The following ANKRD30B variants were observed in gnomAD, a reference collection of about 807,000 sequenced individuals.
ANKRD30B encodes ankyrin repeat domain 30B, also known as ankyrin repeat domain-containing protein 30B.
Under a neutral mutation model 202.2 loss-of-function variants are expected in ANKRD30B, and 144 were observed. The observed-to-expected ratio is 0.71, with a 90% CI of 0.62 to 0.82. ANKRD30B has a LOEUF of 0.82. Among genes scored for constraint, ANKRD30B ranks in the 40% least tolerant of loss-of-function variants. ANKRD30B has a pLI of 0.00. For synonymous variants in ANKRD30B, 508 were observed against 561.3 expected, an observed-to-expected ratio of 0.91 and a Z score of 1.34; for missense variants, 1,487 against 1,669.1, an observed-to-expected ratio of 0.89 and a Z score of 1.90.
chr18:14,915,031 T>C, the ANKRD30B span, among the ~76,000 whole-genome samples: 4 of 152,122 alleles, frequency 2.6e-5, no homozygotes, highest in Non-Finnish European at 4.4e-5. Context: ...CATGGTCAGG[T>C]AGAGAAGAAT....
intron 30 of ANKRD30B, among the ~76,000 whole-genome samples, chr18:14,815,623 C>G (rs1174191415): frequency 6.6e-6 from 1 of 152,122 alleles, no homozygotes; most frequent in East Asian, 1.9e-4. Flanking sequence ...GTTGCTCTTA[C>G]TTTTGAGTAT....
the ANKRD30B span, among the ~76,000 whole-genome samples, chr18:14,913,045 A>C: frequency 2.6e-5 from 4 of 152,274 alleles, no homozygotes; most frequent in Non-Finnish European, 4.4e-5. Context: ...ACCCAGCATG[A>C]GATGAGCAGA....
At chr18:14,831,621 G>GTT (rs796443992) in intron 34 of ANKRD30B, among the ~76,000 whole-genome samples, 166 bp downstream of exon 34, 143 of 148,182 alleles carry the variant, frequency 9.7e-4, no homozygotes, top group African/African-American at 3.3e-3. Context: ...GATTTAAACA[G>GTT]TTTTTTTTTT....
the ANKRD30B span, among the ~76,000 whole-genome samples, chr18:14,882,906 C>A: frequency 6.6e-6 from 1 of 152,150 alleles, no homozygotes; most frequent in African/African-American, 2.4e-5. Flanking sequence ...TTTGTTTTGT[C>A]TCATATGAGA....
Position 14,822,754 on chromosome 18 carries a change from C to T in ANKRD30B, c.2743+77C>T, listed in dbSNP as rs200245544. The T allele has an allele frequency of 5.0e-5, 65 of 1,302,706 alleles. No individual in the cohort carries two copies. In the East Asian group the frequency reaches 1.2e-3, roughly 24 times the overall value. The allele number at this position is 1,302,706 out of a possible 1,614,324, so 80.7% of individuals were successfully genotyped here. ...TGAAGTGCCAAGAGCCTTTTTATTC[C>T]CAATGTTGTTTTCTTTTCAAAATTG... On this transcript the variant is annotated intron_variant, in intron 32 of 43. Transcript: ENST00000690538.
the ANKRD30B span, among the ~76,000 whole-genome samples, chr18:14,866,690 G>A: frequency 2.6e-5 from 4 of 152,152 alleles, no homozygotes; most frequent in African/African-American, 9.7e-5. Context: ...TGGTGGTGGG[G>A]TGGGTTGGGT....
intron 41 of ANKRD30B, among the ~76,000 whole-genome samples, chr18:14,850,667 G>A (rs1971844533): frequency 6.6e-6 from 1 of 151,776 alleles, no homozygotes; most frequent in Admixed American, 6.6e-5. Context: ...ATAGATTAGT[G>A]TATTTTTCCT....
chr18:14,883,202 C>G, the ANKRD30B span, among the ~76,000 whole-genome samples: 3 of 151,778 alleles, frequency 2.0e-5, no homozygotes, highest in Non-Finnish European at 4.4e-5. Flanking sequence ...TTGCATTTAC[C>G]TAATTAGTTC....
At chr18:14,771,275 G>A (rs1467620135) in intron 8 of ANKRD30B, among the ~76,000 whole-genome samples, 5 of 152,126 alleles carry the variant, frequency 3.3e-5, no homozygotes, top group Admixed American at 3.3e-4. Flanking sequence ...GGAAGTGAGA[G>A]AGACACTTTC....
chr18:14,800,008 A>G (rs965372614), intron 22 of ANKRD30B, among the ~76,000 whole-genome samples: 1 of 151,952 alleles, frequency 6.6e-6, no homozygotes, highest in Non-Finnish European at 1.5e-5. Flanking sequence ...AGGTGGGCAG[A>G]TTACTTAAGG....
chr18:14,767,470 C>G (rs1320346274), intron 7 of ANKRD30B, among the ~76,000 whole-genome samples: 2 of 152,200 alleles, frequency 1.3e-5, no homozygotes, highest in Admixed American at 6.5e-5. Context: ...AATACGGTCT[C>G]TCAAAGTGTC....
At chr18:14,809,066 G>A (rs1203432881) in intron 26 of ANKRD30B, among the ~76,000 whole-genome samples, 1 of 144,996 alleles carries the variant, frequency 6.9e-6, no homozygotes, top group East Asian at 2.1e-4. Context: ...TGGGTCCAGG[G>A]GAATCACAGC....
chr18:14,897,046 G>A, the ANKRD30B span, among the ~76,000 whole-genome samples: 1 of 151,208 alleles, frequency 6.6e-6, no homozygotes, highest in East Asian at 1.9e-4. Flanking sequence ...AATAGATAGA[G>A]CTTGAATTAG....
At chr18:14,912,940 T>G in the ANKRD30B span, among the ~76,000 whole-genome samples, 1 of 152,230 alleles carries the variant, frequency 6.6e-6, no homozygotes, top group East Asian at 1.9e-4. Context: ...GTGTACTGGT[T>G]TGTTTTTATT....
chr18:14,899,880 A>C, the ANKRD30B span, among the ~76,000 whole-genome samples: 4 of 152,174 alleles, frequency 2.6e-5, no homozygotes, highest in Admixed American at 2.6e-4. Context: ...GCAGCATATG[A>C]CAATGAATGA....
At chr18:14,776,308 A>G (rs556253844) in intron 9 of ANKRD30B, among the ~76,000 whole-genome samples, 16 of 152,208 alleles carry the variant, frequency 1.1e-4, no homozygotes, top group African/African-American at 3.6e-4. Flanking sequence ...CAAATAAAAA[A>G]CACTTATAAG....
the ANKRD30B span, among the ~76,000 whole-genome samples, chr18:14,873,115 G>A: frequency 6.6e-6 from 1 of 152,226 alleles, no homozygotes; most frequent in Admixed American, 6.5e-5. Flanking sequence ...CGTAGGAAGA[G>A]AGCCTCAGAT....
chr18:14,799,050 G>C (rs1176789874), intron 20 of ANKRD30B, 51 bp from the exon 21 acceptor site: 1 of 1,471,710 alleles, frequency 6.8e-7, no homozygotes, highest in Non-Finnish European at 9.5e-7. Flanking sequence ...ACGTTTGGTA[G>C]GCTTTGTCAA....
intron 15 of ANKRD30B, among the ~76,000 whole-genome samples, chr18:14,787,547 G>A (rs965503699): frequency 1.2e-4 from 18 of 152,128 alleles, no homozygotes; most frequent in African/African-American, 3.1e-4. Flanking sequence ...GGACTTGAAC[G>A]TATTGACATA....
Sources: gnomAD v4.1 joint callset for allele counts (sites outside exome capture counted in the v4.1 genomes callset) on GRCh38, gnomAD v4.1.1 for gene constraint, MANE v1.5 for transcripts, NCBI Gene and HGNC (gene_info 2026-07-23, HGNC 2026-07-21) for gene names.